Variants in ANXA4 observed in about 807,000 individuals in gnomAD.
ANXA4 encodes 35-beta calcimedin.
Under a neutral mutation model 49.8 loss-of-function variants are expected in ANXA4, and 39 were observed. The ratio of observed to expected loss-of-function variants is 0.78; its 90% CI spans 0.61 to 1.02. The LOEUF is 1.02. Among genes scored for constraint, ANXA4 ranks in the 50% least tolerant of loss-of-function variants. The pLI is 0.00. For synonymous variants in ANXA4, 134 were observed against 152.5 expected, an observed-to-expected ratio of 0.88 and a Z score of 0.89; for missense variants, 360 against 410.1, an observed-to-expected ratio of 0.88 and a Z score of 1.05.
At chr2:69,759,398 G>T (rs141045299) in intron 1 of ANXA4, among the ~76,000 whole-genome samples, 9 of 152,320 alleles carry the variant, frequency 5.9e-5, no homozygotes, top group African/African-American at 2.2e-4. Context: ...GTCCTTTACA[G>T]TGTTTAAAGT....
At chr2:69,788,727 A>G (rs899292080) in intron 3 of ANXA4, among the ~76,000 whole-genome samples, 1 of 151,076 alleles carries the variant, frequency 6.6e-6, no homozygotes, top group Non-Finnish European at 1.5e-5. Context: ...AGTCCCAGCT[A>G]CTCAGGAGGC....
At chr2:69,804,495 C>T (rs1445711477) in intron 3 of ANXA4, 38 bp from the exon 4 acceptor site, 1 of 1,574,318 alleles carries the variant, frequency 6.4e-7, no homozygotes, top group African/African-American at 1.3e-5. Context: ...ATTCCTCTCT[C>T]AAATCACACT....
chr2:69,758,752 T>C (rs989682482), intron 1 of ANXA4, among the ~76,000 whole-genome samples: 4 of 152,246 alleles, frequency 2.6e-5, no homozygotes, highest in Non-Finnish European at 5.9e-5. Flanking sequence ...GATATCCTTA[T>C]AAATTTTGAG....
At chr2:69,818,356 C>G (rs930939963) in intron 9 of ANXA4, 4 of 268,242 alleles carry the variant, frequency 1.5e-5, no homozygotes, top group Non-Finnish European at 2.1e-5. Flanking sequence ...TGTGAGGGTC[C>G]CAGATAAGGG....
At chr2:69,791,002 C>T (rs1672670052) in intron 3 of ANXA4, among the ~76,000 whole-genome samples, 1 of 152,172 alleles carries the variant, frequency 6.6e-6, no homozygotes, top group South Asian at 2.1e-4. Flanking sequence ...GCATAAAGTA[C>T]AGCAAGAATA....
intron 2 of ANXA4, 77 bp from the exon 3 acceptor site, chr2:69,787,977 C>A: frequency 1.6e-6 from 2 of 1,288,152 alleles, no homozygotes; most frequent in Non-Finnish European, 2.2e-6. Context: ...CAGTGCTCAA[C>A]AAATGTTTGC....
intron 3 of ANXA4, among the ~76,000 whole-genome samples, chr2:69,734,506 G>A (rs1310939640): frequency 2.0e-5 from 3 of 152,156 alleles, no homozygotes; most frequent in Non-Finnish European, 4.4e-5. Flanking sequence ...TAGCAATAAC[G>A]TGGACCTGAC....
In ANXA4 at chr2:69,825,547, C is replaced by CA; in HGVS notation, c.*34dup. 1 of 1,549,822 alleles carries CA rather than the reference C, an allele frequency of 6.5e-7. No homozygotes were observed. Among genetic ancestry groups the CA allele is most frequent in the African/African-American group, 1.4e-5 (1 of 72,268 alleles). ...AATCCCAGAAGGACAGGAGGATTCTCAACACTTTGAATTTTTTTAACTTCA... is the reference window on the plus strand; with the variant it reads ...AATCCCAGAAGGACAGGAGGATTCTCAAACACTTTGAATTTTTTTAACTTCA... On this transcript the variant is annotated 3_prime_UTR_variant, in exon 13 of 13. Coordinates refer to ENST00000394295, the MANE Select transcript of ANXA4 (RefSeq NM_001153.5).
chr2:69,814,342 C>CTTTTTTTTTTTT (rs781253870), intron 8 of ANXA4, among the ~76,000 whole-genome samples: 5 of 97,302 alleles, frequency 5.1e-5, no homozygotes, highest in East Asian at 3.2e-4. Context: ...GTATTTTATT[C>CTTTTTTTTTTTT]TTTTTTTTTT....
At chr2:69,779,267 T>C (rs1033970502) in intron 1 of ANXA4, among the ~76,000 whole-genome samples, 2 of 152,078 alleles carry the variant, frequency 1.3e-5, no homozygotes, top group Non-Finnish European at 2.9e-5. Flanking sequence ...TGTCTAGTTA[T>C]GTAAAAAATA....
intron 2 of ANXA4, among the ~76,000 whole-genome samples, chr2:69,661,662 T>C (rs2105324750): frequency 6.6e-6 from 1 of 152,206 alleles, no homozygotes; most frequent in East Asian, 1.9e-4. Flanking sequence ...AGGTGATAAC[T>C]GACTTAGCAG....
intron 1 of ANXA4, among the ~76,000 whole-genome samples, chr2:69,746,192 A>G (rs1317822965): frequency 6.6e-6 from 1 of 151,988 alleles, no homozygotes; most frequent in Non-Finnish European, 1.5e-5. Context: ...TTGTATTTTT[A>G]GTGGAGACGG....
intron 2 of ANXA4, among the ~76,000 whole-genome samples, chr2:69,694,365 C>CT (rs5831981): frequency 0.26 from 36,265 of 138,996 alleles, 5,148 homozygotes; most frequent in South Asian, 0.35. Flanking sequence ...CAATACATTT[C>CT]TTTTTTTTTT....
At chr2:69,683,177 A>C (rs72899482) in intron 2 of ANXA4, among the ~76,000 whole-genome samples, 252 of 152,336 alleles carry the variant, frequency 1.7e-3, no homozygotes, top group African/African-American at 5.9e-3. Context: ...TATGTCAATA[A>C]ACATATATTC....
At chr2:69,722,507 A>G (rs1669841112) in intron 3 of ANXA4, among the ~76,000 whole-genome samples, 1 of 152,220 alleles carries the variant, frequency 6.6e-6, no homozygotes, top group Non-Finnish European at 1.5e-5. Context: ...AAGTGAAATA[A>G]GGCAGACGCA....
At chr2:69,687,202 A>C (rs761172239) in intron 2 of ANXA4, among the ~76,000 whole-genome samples, 1 of 152,168 alleles carries the variant, frequency 6.6e-6, no homozygotes, top group Non-Finnish European at 1.5e-5. Flanking sequence ...ATTTCTGTTC[A>C]GTATAAGGAA....
chr2:69,732,449 T>A (rs1177614703), intron 3 of ANXA4, among the ~76,000 whole-genome samples: 1 of 151,582 alleles, frequency 6.6e-6, no homozygotes, highest in East Asian at 1.9e-4. Context: ...AGCAGTAGAG[T>A]TCATCGAGTA....
intron 1 of ANXA4, among the ~76,000 whole-genome samples, chr2:69,744,679 G>A (rs1287522073): frequency 6.6e-6 from 1 of 152,088 alleles, no homozygotes; most frequent in Non-Finnish European, 1.5e-5. Context: ...ATTAACGTTG[G>A]TTTACAGCTG....
chr2:69,747,588 G>A (rs11694473), intron 1 of ANXA4, among the ~76,000 whole-genome samples: 2,165 of 152,160 alleles, frequency 0.014, 22 homozygotes, highest in Non-Finnish European at 0.019. Context: ...AACATTTTTC[G>A]TACAATTTCA....
Sources: allele counts gnomAD v4.1 joint callset (sites outside exome capture counted in the v4.1 genomes callset), GRCh38; gene constraint gnomAD v4.1.1; transcripts MANE v1.5; gene names NCBI Gene and HGNC (gene_info 2026-07-23, HGNC 2026-07-21).